PTGER4: variants seen among roughly 807,000 people sequenced by gnomAD.
PTGER4 encodes the protein prostaglandin E2 receptor EP4 subtype.
Under a neutral mutation model 33.2 loss-of-function variants are expected in PTGER4, and 11 were observed. The ratio of observed to expected loss-of-function variants is 0.33; its 90% CI spans 0.21 to 0.55. PTGER4 has a LOEUF of 0.55. Ranked by LOEUF, PTGER4 falls within the 20% of genes least tolerant of loss-of-function variation. The pLI is 0.92. For missense variants in PTGER4, 481 were observed against 650.2 expected (o/e 0.74, Z 2.83); for synonymous variants, 275 against 281.5 (o/e 0.98, Z 0.23).
chr5:40,709,405 C>A, the PTGER4 span, among the ~76,000 whole-genome samples: 132 of 152,174 alleles, frequency 8.7e-4, 1 homozygote, highest in Admixed American at 6.4e-3. Context: ...AAACACAGAG[C>A]CAAATCATGA....
chr5:40,681,371 C>G lies in PTGER4; in HGVS notation c.378C>G (p.Phe126Leu), dbSNP rs771599218. 4.3e-6 allele frequency: 7 copies of G among 1,614,152 alleles called. No homozygotes were observed. In the South Asian group the frequency reaches 7.7e-5, roughly 18 times the overall value. The change falls in exon 2 of 3, where the codon TTC (phenylalanine) becomes TTG (leucine). Residue 126 changes from phenylalanine to leucine, a missense_variant. Coordinates refer to ENST00000302472, the MANE Select transcript of PTGER4 (RefSeq NM_000958.3). This position sits in a 1 kb window ranked among gnomAD's most constrained non-coding sequence, Gnocchi z 9.8. ...ACCTGGCCATCAACCATGCCTATTT[C>G]TACAGCCACTACGTGGACAAGCGAT... ...ERYLAINHAY[F>L]YSHYVDKRLA...
the PTGER4 span, among the ~76,000 whole-genome samples, chr5:40,738,705 C>G: frequency 5.9e-5 from 9 of 152,184 alleles, no homozygotes; most frequent in South Asian, 1.9e-3. Flanking sequence ...TCTTTGCCAA[C>G]ACTTGATACT....
the PTGER4 span, among the ~76,000 whole-genome samples, chr5:40,724,299 TATACG>T: frequency 6.6e-6 from 1 of 152,166 alleles, no homozygotes; most frequent in Non-Finnish European, 1.5e-5. Context: ...TAATTCCACT[TATACG>T]ATATCTCTAA....
chr5:40,708,129 A>G, the PTGER4 span, among the ~76,000 whole-genome samples: 1 of 152,204 alleles, frequency 6.6e-6, no homozygotes, highest in Non-Finnish European at 1.5e-5. Flanking sequence ...GAACTAGAGA[A>G]GCAAGAGCAA....
At chr5:40,740,838 G>A in the PTGER4 span, among the ~76,000 whole-genome samples, 8 of 152,178 alleles carry the variant, frequency 5.3e-5, no homozygotes, top group East Asian at 5.8e-4. Context: ...TGTTTAAGCC[G>A]GTCTTAGCAT....
At chr5:40,685,186 G>A (rs947649095) in intron 2 of PTGER4, among the ~76,000 whole-genome samples, 1 of 152,054 alleles carries the variant, frequency 6.6e-6, no homozygotes, top group Non-Finnish European at 1.5e-5. Context: ...ACTCATCTCA[G>A]CTAGGGGCAG....
chr5:40,700,700 A>T, the PTGER4 span, among the ~76,000 whole-genome samples: 1 of 152,140 alleles, frequency 6.6e-6, no homozygotes, highest in African/African-American at 2.4e-5. Context: ...AAACACTGAG[A>T]TTGCCCCAGA....
At chr5:40,730,395 A>C in the PTGER4 span, 1 of 1,492,938 alleles carries the variant, frequency 6.7e-7, no homozygotes, top group Non-Finnish European at 9.3e-7. Flanking sequence ...GCTTTTTTGG[A>C]CTTTCAAAAA....
the PTGER4 span, among the ~76,000 whole-genome samples, chr5:40,719,272 T>A: frequency 6.6e-6 from 1 of 152,370 alleles, no homozygotes; most frequent in African/African-American, 2.4e-5. Context: ...GCTATTGCTA[T>A]ATATCTGTCT....
the PTGER4 span, among the ~76,000 whole-genome samples, chr5:40,734,933 G>A: frequency 5.3e-5 from 8 of 152,158 alleles, no homozygotes; most frequent in Non-Finnish European, 8.8e-5. Flanking sequence ...GTGGCTATTC[G>A]GAATGGGCGG....
the PTGER4 span, among the ~76,000 whole-genome samples, chr5:40,724,851 G>A: frequency 1.6e-3 from 224 of 137,230 alleles, no homozygotes; most frequent in African/African-American, 5.8e-3. Context: ...ATTTACAAGT[G>A]GATTTTTTTT....
At chr5:40,699,834 T>A in the PTGER4 span, among the ~76,000 whole-genome samples, 1 of 152,084 alleles carries the variant, frequency 6.6e-6, no homozygotes, top group Non-Finnish European at 1.5e-5. Context: ...CTTTCTCAAT[T>A]TAATTAAAAA....
At chr5:40,706,453 C>G in the PTGER4 span, among the ~76,000 whole-genome samples, 1 of 151,972 alleles carries the variant, frequency 6.6e-6, no homozygotes, top group African/African-American at 2.4e-5. Context: ...TGTAACAAAC[C>G]TTTACATGTA....
At position 40,681,094 on chromosome 5, in the gene PTGER4, G is replaced by C. The variant is rs1456896695; in HGVS notation, c.101G>C (p.Gly34Ala). The change falls in exon 2 of 3, where the codon GGC (glycine) becomes GCC (alanine). Residue 34 changes from glycine (G) to alanine (A), a missense_variant. Physicochemically the swap from Gly to Ala is moderately conservative, Grantham distance 60. This residue lies in a region of PTGER4 where 61 missense variants were observed against 145.2 expected (regional missense o/e 0.42). Coordinates refer to ENST00000302472, the MANE Select transcript of PTGER4 (RefSeq NM_000958.3). The surrounding 1 kb of genome is among the most constrained non-coding windows in gnomAD (Gnocchi z 9.8). ...PAVMFIFGVV[G>A]NLVAIVVLCK... ...GTGATGTTCATCTTCGGGGTGGTGG[G>C]CAACCTGGTGGCCATCGTGGTGCTG... 6.2e-7 allele frequency: 1 copy of C among 1,613,976 alleles called. No homozygotes were observed. The highest frequency in any genetic ancestry group is 1.3e-5 in the African/African-American group (1 of 74,890).
At position 40,681,269 on chromosome 5, in the gene PTGER4, C is replaced by T; in HGVS notation, c.276C>T (p.Cys92=). ...KGQWPGGQPL[C]EYSTFILLFF... is the part of the protein sequence containing the mutation. ...AATGGCCCGGGGGCCAGCCGCTGTG[C>T]GAGTACAGCACCTTCATTCTGCTCT... is the stretch of plus-strand genomic sequence containing the variant. The change falls in exon 2 of 3, where the codon TGC becomes TGT. Residue 92 remains cysteine, a synonymous_variant. Transcript: ENST00000302472. The surrounding 1 kb of genome is among the most constrained non-coding windows in gnomAD (Gnocchi z 9.8). 2 of 1,614,174 alleles carry T rather than the reference C, an allele frequency of 1.2e-6. No homozygotes were observed. Among genetic ancestry groups the T allele is most frequent in the Non-Finnish European group, 1.7e-6 (2 of 1,180,034 alleles).
the PTGER4 span, among the ~76,000 whole-genome samples, chr5:40,707,039 C>T: frequency 0.011 from 1,716 of 152,102 alleles, 25 homozygotes; most frequent in African/African-American, 0.034. Context: ...GCACTAAACA[C>T]GGAAAGGAAC....
At chr5:40,704,140 T>C in the PTGER4 span, among the ~76,000 whole-genome samples, 1 of 152,058 alleles carries the variant, frequency 6.6e-6, no homozygotes, top group South Asian at 2.1e-4. Flanking sequence ...TAATCCACTA[T>C]GATCAAGTAG....
In PTGER4 at chr5:40,693,431, G is replaced by A; in HGVS notation, c.*1053G>A. On this transcript the variant is annotated 3_prime_UTR_variant, in exon 3 of 3. Transcript: ENST00000302472. ...TTTAAAAGGATGGCAAGTTGCATCA[G>A]AAAGCTTTATTTTGAGATGTAAAAA... The A allele has an allele frequency of 2.0e-6, 2 of 985,924 alleles. No individual in the cohort carries two copies. The highest frequency in any genetic ancestry group is 2.4e-6 in the Non-Finnish European group (2 of 829,900). The allele number at this position is 985,924 out of a possible 1,614,324, so 61.1% of individuals were successfully genotyped here.
rs988791650 is a variant in PTGER4 at position 40,689,225 on chromosome 5, A to G, written c.868-2554A>G. Among the ~76,000 whole-genome samples, 8 of 152,202 alleles carry G rather than the reference A, an allele frequency of 5.3e-5. No homozygotes were observed. In the South Asian group the frequency reaches 6.2e-4, roughly 12 times the overall value. ...TGCAATGAGTGTAAGTTCTCAAAAC[A>G]AAACAAGTGAATAACAACAAAACAA... On this transcript the variant is annotated intron_variant, in intron 2 of 2. Transcript: ENST00000302472.
Sources: gnomAD v4.1 joint callset for allele counts (sites outside exome capture counted in the v4.1 genomes callset) on GRCh38, gnomAD v4.1.1 for gene constraint, gnomAD v4.1.1 regional missense constraint, Gnocchi (gnomAD v3.1) non-coding constraint, MANE v1.5 for transcripts, NCBI Gene and HGNC (gene_info 2026-07-23, HGNC 2026-07-21) for gene names.